GIMD1: variants seen among roughly 807,000 people sequenced by gnomAD.
GIMD1 encodes the protein GTPase IMAP family member GIMD1.
A neutral mutation model predicts 14.9 loss-of-function variants in GIMD1; 14 were observed. That is an observed-to-expected ratio of 0.94 (90% CI 0.62 to 1.47). GIMD1 has a LOEUF of 1.47. Ranked by LOEUF, GIMD1 falls within the 40% of genes most tolerant of loss-of-function variation. The pLI is 0.00. For missense variants in GIMD1, 272 were observed against 255.3 expected (o/e 1.07, Z -0.44); for synonymous variants, 91 against 90.5 (o/e 1.01, Z -0.03).
At position 106,357,396 on chromosome 4, in the gene GIMD1, T is replaced by A. The variant is rs1770546320; in HGVS notation, c.*787A>T. 6.6e-6 allele frequency: 1 copy of A among 152,096 alleles called. No homozygotes were observed. The highest frequency in any genetic ancestry group is 1.5e-5 in the Non-Finnish European group (1 of 67,986). 9.4% of individuals were successfully genotyped at this position (152,096 alleles called of 1,614,324 possible). Reference sequence around the variant, plus strand: ...GTAAGCAGTGGAGCTAGTTCCTTTTTAATGGATAATAACTAATTATTTTTA... The same window carrying A: ...GTAAGCAGTGGAGCTAGTTCCTTTTAAATGGATAATAACTAATTATTTTTA... On this transcript the variant is annotated 3_prime_UTR_variant, in exon 3 of 3. Coordinates refer to ENST00000638719, the MANE Select transcript of GIMD1 (RefSeq NM_001195138.2).
chr4:106,358,148 C>G lies in GIMD1; in HGVS notation c.*35G>C. ...ATTCTTTGTAGCTAGGTTTCTGACT[C>G]CAATACCCAATGCTCCTTTCCTTTC... On this transcript the variant is annotated 3_prime_UTR_variant, in exon 3 of 3. Coordinates refer to ENST00000638719, the MANE Select transcript of GIMD1 (RefSeq NM_001195138.2). 1.4e-6 allele frequency: 2 copies of G among 1,396,340 alleles called. No individual in the cohort carries two copies. Among genetic ancestry groups the G allele is most frequent in the Non-Finnish European group, 1.9e-6 (2 of 1,060,906 alleles). The allele number at this position is 1,396,340 out of a possible 1,614,324, so 86.5% of individuals were successfully genotyped here.
At chr4:106,363,419 A>G (rs529089647) in intron 2 of GIMD1, among the ~76,000 whole-genome samples, 1 of 152,234 alleles carries the variant, frequency 6.6e-6, no homozygotes, top group African/African-American at 2.4e-5. Context: ...CGTAATCTCT[A>G]TGCTATCTTG....
Position 106,367,090 on chromosome 4 carries a change from C to T in GIMD1, c.346G>A (p.Val116Met). The change falls in exon 2 of 3, where the codon GTG (valine) becomes ATG (methionine). Residue 116 changes from valine (V) to methionine (M), a missense_variant. Coordinates refer to ENST00000638719, the MANE Select transcript of GIMD1 (RefSeq NM_001195138.2). Reference sequence around the variant, plus strand: ...GTTACTTCCTGCCCACAGAAAGGCACATCTGCTCTCTGAACCAGGAGTGCA... The same window carrying T: ...GTTACTTCCTGCCCACAGAAAGGCATATCTGCTCTCTGAACCAGGAGTGCA... ...HLALLVQRAD[V>M]PFCGQEVTDP... 1.3e-6 allele frequency: 2 copies of T among 1,535,020 alleles called. No individual in the cohort carries two copies. The highest frequency in any genetic ancestry group is 1.7e-6 in the Non-Finnish European group (2 of 1,146,328).
At position 106,358,102 on chromosome 4, in the gene GIMD1, C is replaced by T; in HGVS notation, c.*81G>A. 1.1e-6 allele frequency: 1 copy of T among 928,246 alleles called. No individual in the cohort carries two copies. Among genetic ancestry groups the T allele is most frequent in the Non-Finnish European group, 1.6e-6 (1 of 641,026 alleles). 57.5% of individuals were successfully genotyped at this position (928,246 alleles called of 1,614,324 possible). A position where few individuals can be genotyped will look rare whatever the true frequency, so the allele number is the denominator to read the frequency against. ...GCAGCATATCAGAATACTTATGGTC[C>T]ACATTCATGTCAATAAAGGCATTCT... On this transcript the variant is annotated 3_prime_UTR_variant, in exon 3 of 3. Coordinates refer to ENST00000638719, the MANE Select transcript of GIMD1 (RefSeq NM_001195138.2).
chr4:106,362,935 T>C (rs763402251), intron 2 of GIMD1, among the ~76,000 whole-genome samples: 69 of 152,210 alleles, frequency 4.5e-4, no homozygotes, highest in Admixed American at 1.1e-3. Context: ...CAAAGTCATA[T>C]GGCTGATTAT....
Position 106,357,821 on chromosome 4 carries a change from T to A in GIMD1, c.*362A>T, listed in dbSNP as rs7678749. The A allele has an allele frequency of 6.2e-6, 1 of 160,982 alleles. No homozygotes were observed. The highest frequency in any genetic ancestry group is 1.8e-4 in the South Asian group (1 of 5,578). The allele number at this position is 160,982 out of a possible 1,614,324, so 10.0% of individuals were successfully genotyped here. ...TTATTCTAATATCCCACTGTGGGAATATACCACAATTTACTTAACCATTCT... is the reference window on the plus strand; with the variant it reads ...TTATTCTAATATCCCACTGTGGGAAAATACCACAATTTACTTAACCATTCT... On this transcript the variant is annotated 3_prime_UTR_variant, in exon 3 of 3. Transcript: ENST00000638719.
At chr4:106,362,410 A>T (rs964901406) in intron 2 of GIMD1, among the ~76,000 whole-genome samples, 1 of 152,090 alleles carries the variant, frequency 6.6e-6, no homozygotes, top group African/African-American at 2.4e-5. Flanking sequence ...AAGATAAGTT[A>T]ATGTAAGTTA....
intron 2 of GIMD1, among the ~76,000 whole-genome samples, chr4:106,365,026 T>C (rs965526925): frequency 1.3e-5 from 2 of 152,128 alleles, no homozygotes; most frequent in African/African-American, 4.8e-5. Flanking sequence ...GAAAAAGAGT[T>C]GTTTATGTGT....
At chr4:106,360,696 A>T (rs191888787) in intron 2 of GIMD1, among the ~76,000 whole-genome samples, 4 of 152,144 alleles carry the variant, frequency 2.6e-5, no homozygotes, top group Admixed American at 2.6e-4. Context: ...CCTGTCTAGT[A>T]TGATTGGTGT....
intron 2 of GIMD1, among the ~76,000 whole-genome samples, chr4:106,362,754 C>T (rs1770633136): frequency 6.6e-6 from 1 of 152,022 alleles, no homozygotes; most frequent in African/African-American, 2.4e-5. Context: ...ATGCTATTCC[C>T]TTACTCTCAC....
chr4:106,362,684 C>T (rs1770631282), intron 2 of GIMD1, among the ~76,000 whole-genome samples: 2 of 152,066 alleles, frequency 1.3e-5, no homozygotes, highest in Non-Finnish European at 2.9e-5. Flanking sequence ...ACTATTACAT[C>T]AACTGAGAAA....
intron 2 of GIMD1, among the ~76,000 whole-genome samples, chr4:106,363,391 A>C (rs533299533): frequency 6.6e-6 from 1 of 152,248 alleles, no homozygotes; most frequent in South Asian, 2.1e-4. Flanking sequence ...TAAGACTTGA[A>C]TACTTTAGAA....
At chr4:106,366,796 A>G (rs2125934851) in intron 2 of GIMD1, among the ~76,000 whole-genome samples, 1 of 151,814 alleles carries the variant, frequency 6.6e-6, no homozygotes, top group East Asian at 1.9e-4. Flanking sequence ...TTTTTCCTAC[A>G]AACCAGTTGT....
chr4:106,362,516 A>C (rs1046190464), intron 2 of GIMD1, among the ~76,000 whole-genome samples: 1 of 152,098 alleles, frequency 6.6e-6, no homozygotes, highest in Non-Finnish European at 1.5e-5. Flanking sequence ...GTATGAGTCC[A>C]TTTAGTCCTT....
At position 106,367,150 on chromosome 4, in the gene GIMD1, G is replaced by T; in HGVS notation, c.286C>A (p.Leu96Met). The change falls in exon 2 of 3, where the codon CTG becomes ATG. Residue 96 changes from leucine to methionine, a missense_variant. Physicochemically the swap from Leu to Met is conservative, Grantham distance 15. Coordinates refer to ENST00000638719, the MANE Select transcript of GIMD1 (RefSeq NM_001195138.2). ...KYVKQEVKEA[L>M]AHHFGQGGLH... ...CCCCCTTGCCCGAAGTGATGTGCCAGAGCCTCTTTGACTTCCTGTTTCACA... is the reference window on the plus strand; with the variant it reads ...CCCCCTTGCCCGAAGTGATGTGCCATAGCCTCTTTGACTTCCTGTTTCACA... The T allele has an allele frequency of 6.5e-7, 1 of 1,535,704 alleles. No individual in the cohort carries two copies. Among genetic ancestry groups the T allele is most frequent in the Non-Finnish European group, 8.7e-7 (1 of 1,146,700 alleles).
At chr4:106,365,657 G>T (rs546931044) in intron 2 of GIMD1, among the ~76,000 whole-genome samples, 3 of 152,136 alleles carry the variant, frequency 2.0e-5, no homozygotes, top group Admixed American at 6.6e-5. Context: ...TAGACCTGGT[G>T]TCTCTGAGCT....
At chr4:106,362,706 G>T (rs1171423596) in intron 2 of GIMD1, among the ~76,000 whole-genome samples, 2 of 151,984 alleles carry the variant, frequency 1.3e-5, no homozygotes, top group African/African-American at 2.4e-5. Context: ...AAATTATCAC[G>T]GAACAGGAGG....
Position 106,358,269 on chromosome 4 carries a change from A to G in GIMD1, c.568T>C (p.Ser190Pro). ...ATTTTCATTCTTTGTTCATTGAGTG[A>G]TTTTCCTTTTTTGTACTGGAAAACG... Reference protein sequence around the residue: ...KYVFQYKKGKSLNEQRMKILE... With the variant: ...KYVFQYKKGKPLNEQRMKILE... Residue 190 changes from serine (S) to proline (P), a missense_variant, in exon 3 of 3, where the codon TCA becomes CCA. Coordinates refer to ENST00000638719, the MANE Select transcript of GIMD1 (RefSeq NM_001195138.2). 6.5e-7 allele frequency: 1 copy of G among 1,529,642 alleles called. No individual in the cohort carries two copies. Among genetic ancestry groups the G allele is most frequent in the South Asian group, 1.2e-5 (1 of 83,064 alleles). The allele number at this position is 1,529,642 out of a possible 1,614,324, so 94.8% of individuals were successfully genotyped here.
rs144902440 is a variant in GIMD1 at position 106,363,036 on chromosome 4, T to C, written c.393+4007A>G. ...ACCATACTAAGCCAGTGAAGATTTT[T>C]CCAGATTTTTTTTCTAAATTAATAA... On this transcript the variant is annotated intron_variant, in intron 2 of 2. Coordinates refer to ENST00000638719, the MANE Select transcript of GIMD1 (RefSeq NM_001195138.2). 1.8e-3 allele frequency among the ~76,000 whole-genome samples: 280 copies of C among 152,226 alleles called. 1 individual carries two copies. Among genetic ancestry groups the C allele is most frequent in the African/African-American group, 6.5e-3 (269 of 41,552 alleles).
Sources: allele counts gnomAD v4.1 joint callset (sites outside exome capture counted in the v4.1 genomes callset), GRCh38; gene constraint gnomAD v4.1.1; transcripts MANE v1.5; gene names NCBI Gene and HGNC (gene_info 2026-07-23, HGNC 2026-07-21).